The following RSRP1 variants were observed in gnomAD, a reference collection of about 807,000 sequenced individuals.
The protein encoded by RSRP1 is arginine/serine-rich protein 1.
RSRP1 carries 37 observed loss-of-function variants against 33.0 expected under a neutral mutation model. The ratio of observed to expected loss-of-function variants is 1.12; its 90% CI spans 0.86 to 1.48. The LOEUF (loss-of-function observed/expected upper bound fraction) is 1.48, where lower values mean the gene tolerates loss of function less well. Ranked by LOEUF, RSRP1 falls within the 40% of genes most tolerant of loss-of-function variation. The pLI, the probability that RSRP1 is intolerant of heterozygous loss-of-function variation, is 0.00. For synonymous variants in RSRP1, 167 were observed against 158.7 expected, an observed-to-expected ratio of 1.05 and a Z score of -0.40; for missense variants, 402 against 385.3, an observed-to-expected ratio of 1.04 and a Z score of -0.36.
intron 1 of RSRP1, among the ~76,000 whole-genome samples, chr1:25,285,277 G>C (rs1641873948): frequency 7.5e-6 from 1 of 133,706 alleles, no homozygotes; most frequent in East Asian, 1.9e-4. Context: ...TGGGATTACA[G>C]GCATGTGCCA....
intron 4 of RSRP1, among the ~76,000 whole-genome samples, chr1:25,243,334 A>G (rs1239150862): frequency 6.6e-6 from 1 of 152,240 alleles, no homozygotes; most frequent in African/African-American, 2.4e-5. Flanking sequence ...GACACTTAAA[A>G]GAATGGCAAA....
intron 1 of RSRP1, chr1:25,290,776 C>A (rs1443304272): frequency 7.3e-7 from 1 of 1,376,734 alleles, no homozygotes; most frequent in East Asian, 2.2e-5. Context: ...GGATGGTCAT[C>A]AGTAATATCT....
rs1442097683 is a variant in RSRP1 at position 25,311,735 on chromosome 1, T to C, written c.-67+26243A>G. On this transcript the variant is annotated intron_variant, in intron 1 of 1. Coordinates refer to the RSRP1 transcript ENST00000561867. ...GCCTTGGGTCTCTGCTCCCCACATT[T>C]CTGGTGCAGCATTCCTCAGCCATCC... is the stretch of plus-strand genomic sequence containing the variant. Among the ~76,000 whole-genome samples the C allele has an allele frequency of 3.8e-4, 49 of 129,812 alleles. 12 individuals are homozygous for C. The highest frequency in any genetic ancestry group is 1.6e-3 in the Admixed American group (22 of 13,474). The allele number at this position is 129,812 out of a possible 152,430, so 85.2% of individuals were successfully genotyped here.
In RSRP1 at chr1:25,293,346, T is replaced by C. The variant is rs1325949875; in HGVS notation, c.-67+44632A>G. 1.1e-4 allele frequency among the ~76,000 whole-genome samples: 14 copies of C among 128,412 alleles called. 3 individuals carry two copies. Among genetic ancestry groups the C allele is most frequent in the Non-Finnish European group, 3.6e-5 (2 of 54,930 alleles). The allele number at this position is 128,412 out of a possible 152,430, so 84.2% of individuals were successfully genotyped here. A position where few individuals can be genotyped will look rare whatever the true frequency, so the allele number is the denominator to read the frequency against. On this transcript the variant is annotated intron_variant, in intron 1 of 1. Coordinates refer to the RSRP1 transcript ENST00000561867. ...ACCTTTAGGCCGATGCAGGGACAGT[T>C]CATCTTTTTTTTTTTTTTATACAAC...
In RSRP1 at chr1:25,291,787, G is replaced by A. The variant is rs142943339; in HGVS notation, c.-66-44758C>T. 3.7e-3 allele frequency among the ~76,000 whole-genome samples: 492 copies of A among 132,816 alleles called. 69 individuals are homozygous for A. Among genetic ancestry groups the A allele is most frequent in the African/African-American group, 0.012 (478 of 39,048 alleles). 87.1% of individuals were successfully genotyped at this position (132,816 alleles called of 152,430 possible). On this transcript the variant is annotated intron_variant, in intron 1 of 1. Transcript: ENST00000561867. Reference sequence around the variant, plus strand: ...CGAAAGTCTAAATTTGAAGGCAGCTGTGAAGGTAAGGCCAATCCAAATGGC... The same window carrying A: ...CGAAAGTCTAAATTTGAAGGCAGCTATGAAGGTAAGGCCAATCCAAATGGC...
rs1452333485 is a variant in RSRP1 at position 25,333,768 on chromosome 1, C to T, written c.-67+4210G>A. Among the ~76,000 whole-genome samples, 7 of 129,782 alleles carry T rather than the reference C, an allele frequency of 5.4e-5. 2 individuals are homozygous for T. Among genetic ancestry groups the T allele is most frequent in the African/African-American group, 1.9e-4 (7 of 37,578 alleles). The allele number at this position is 129,782 out of a possible 152,430, so 85.1% of individuals were successfully genotyped here. A position where few individuals can be genotyped will look rare whatever the true frequency, so the allele number is the denominator to read the frequency against. On this transcript the variant is annotated intron_variant, in intron 1 of 1. Transcript: ENST00000561867. The stretch of plus-strand genomic sequence containing the variant: ...GCGAAAGGCAATGAGGAGCAAGTCA[C>T]GTCTTACGTGGATGGCAGGCAAAGA...
chr1:25,306,391 C>A (rs1643838365), intron 1 of RSRP1, among the ~76,000 whole-genome samples: 1 of 131,838 alleles, frequency 7.6e-6, no homozygotes. Flanking sequence ...TTAGACCCCA[C>A]CCCACATCCA....
chr1:25,243,761 C>G (rs1557481256), intron 3 of RSRP1, 128 bp from the exon 4 acceptor site: 1 of 1,442,692 alleles, frequency 6.9e-7, no homozygotes, highest in African/African-American at 1.4e-5. Flanking sequence ...GATCTAACAG[C>G]CTAAGTAACA....
intron 1 of RSRP1, among the ~76,000 whole-genome samples, chr1:25,289,643 G>A (rs1642323730): frequency 8.0e-6 from 1 of 124,670 alleles, no homozygotes; most frequent in South Asian, 2.5e-4. Context: ...AGAGCAAGCT[G>A]CTCAGGGGAG....
rs201807335 is a variant in RSRP1 at position 25,301,628 on chromosome 1, G to C, written c.-67+36350C>G. 3 of 1,380,128 alleles carry C rather than the reference G, an allele frequency of 2.2e-6. No individual in the cohort carries two copies. The East Asian group carries it at 6.7e-5, about 31-fold the overall frequency. 85.5% of individuals were successfully genotyped at this position (1,380,128 alleles called of 1,614,324 possible). ...AACACCTACTATGCTGTAGCAGTCA[G>C]CGTGGTGACAGCCATCTCAGGGTCA... On this transcript the variant is annotated intron_variant, in intron 1 of 1. Coordinates refer to the RSRP1 transcript ENST00000561867.
chr1:25,316,658 GCT>G (rs1644458562), intron 1 of RSRP1, among the ~76,000 whole-genome samples: 1 of 125,442 alleles, frequency 8.0e-6, no homozygotes, highest in South Asian at 2.5e-4. Flanking sequence ...AAAACTGGAG[GCT>G]CTGAGAGGTT....
intron 1 of RSRP1, among the ~76,000 whole-genome samples, chr1:25,261,925 T>A (rs1640169296): frequency 6.6e-6 from 1 of 151,578 alleles, no homozygotes; most frequent in African/African-American, 2.4e-5. Flanking sequence ...TTGGCCAGGA[T>A]GGTCCCGAAC....
At chr1:25,300,974 T>C in intron 1 of RSRP1, 2 of 1,378,648 alleles carry the variant, frequency 1.5e-6, no homozygotes, top group Admixed American at 3.6e-5. Context: ...ATGATGCACA[T>C]CTACGTGTTC....
intron 1 of RSRP1, among the ~76,000 whole-genome samples, chr1:25,255,583 G>A (rs1428066625): frequency 1.3e-5 from 2 of 152,092 alleles, no homozygotes; most frequent in Non-Finnish European, 2.9e-5. Context: ...GGGGTGGGGG[G>A]TTGTTCTGGG....
chr1:25,330,831 G>T lies in RSRP1; in HGVS notation c.-67+7147C>A, dbSNP rs188679824. Among the ~76,000 whole-genome samples the T allele has an allele frequency of 6.0e-4, 78 of 129,988 alleles. 7 individuals carry two copies. The highest frequency in any genetic ancestry group is 2.0e-3 in the African/African-American group (77 of 38,186). The allele number at this position is 129,988 out of a possible 152,430, so 85.3% of individuals were successfully genotyped here. On this transcript the variant is annotated intron_variant, in intron 1 of 1. Transcript: ENST00000561867. ...TTCCTTATAGTTCTGGAGGCTGGAA[G>T]TTCAAGGTGCCGGCAAGGTTGGTTT...
upstream of RSRP1, among the ~76,000 whole-genome samples, chr1:25,251,959 C>T (rs141416449): frequency 9.9e-4 from 150 of 150,976 alleles, no homozygotes; most frequent in African/African-American, 3.5e-3. Flanking sequence ...GGTGCAATCT[C>T]GACTTACTGC....
In RSRP1 at chr1:25,310,621, T is replaced by C. The variant is rs537099042; in HGVS notation, c.-67+27357A>G. Reference sequence around the variant, plus strand: ...TGGAAGTGGCTTTGGAACTGGGTGATGGGAATAGGTTGGAAGAGTTTTGAG... The same window carrying C: ...TGGAAGTGGCTTTGGAACTGGGTGACGGGAATAGGTTGGAAGAGTTTTGAG... On this transcript the variant is annotated intron_variant, in intron 1 of 1. Coordinates refer to the RSRP1 transcript ENST00000561867. 7.9e-4 allele frequency among the ~76,000 whole-genome samples: 103 copies of C among 131,080 alleles called. 24 individuals carry two copies. The highest frequency in any genetic ancestry group is 1.5e-3 in the Non-Finnish European group (84 of 55,136). 86.0% of individuals were successfully genotyped at this position (131,080 alleles called of 152,430 possible). A position where few individuals can be genotyped will look rare whatever the true frequency, so the allele number is the denominator to read the frequency against.
intron 1 of RSRP1, among the ~76,000 whole-genome samples, chr1:25,291,507 T>C (rs540785397): frequency 7.9e-6 from 1 of 126,572 alleles, no homozygotes; most frequent in African/African-American, 2.9e-5. Context: ...AAAAGATTGA[T>C]AGATAGATAG....
chr1:25,305,438 C>T lies in RSRP1; in HGVS notation c.-67+32540G>A, dbSNP rs998078335. Among the ~76,000 whole-genome samples the T allele has an allele frequency of 1.5e-4, 18 of 116,838 alleles. 7 individuals carry two copies. The highest frequency in any genetic ancestry group is 4.0e-4 in the African/African-American group (14 of 34,706). 76.7% of individuals were successfully genotyped at this position (116,838 alleles called of 152,430 possible). On this transcript the variant is annotated intron_variant, in intron 1 of 1. Coordinates refer to the RSRP1 transcript ENST00000561867. ...TTGAGACAGAGTCTCATTCTGTCAC[C>T]CAGGCTGGAGTGCAGTGGTGCAATC...
Sources: allele counts gnomAD v4.1 joint callset (sites outside exome capture counted in the v4.1 genomes callset), GRCh38; gene constraint gnomAD v4.1.1; transcripts MANE v1.5; gene names NCBI Gene and HGNC (gene_info 2026-07-23, HGNC 2026-07-21).